Variants in TTLL11 observed in about 807,000 individuals in gnomAD.
The protein encoded by TTLL11 is tubulin tyrosine ligase like 11, also known as tubulin polyglutamylase TTLL11.
TTLL11 carries 42 observed loss-of-function variants against 51.7 expected under a neutral mutation model. That is an observed-to-expected ratio of 0.81 (90% CI 0.64 to 1.05). The LOEUF is 1.05. Ranked by LOEUF, TTLL11 falls within the 50% of genes least tolerant of loss-of-function variation. The probability of loss-of-function intolerance (pLI) is 0.00; values close to 1 mark genes in which losing one functional copy is unlikely to be tolerated. For missense variants in TTLL11, 799 were observed against 940.4 expected, an observed-to-expected ratio of 0.85 and a Z score of 1.97; for synonymous variants, 381 against 383.5, an observed-to-expected ratio of 0.99 and a Z score of 0.08.
intron 1 of TTLL11, among the ~76,000 whole-genome samples, chr9:122,071,196 T>C (rs1845717722): frequency 6.6e-6 from 1 of 152,192 alleles, no homozygotes; most frequent in South Asian, 2.1e-4. Context: ...ATAGTCTCTT[T>C]AGGATTTTAC....
At chr9:122,089,123 C>T (rs1010275889) in intron 1 of TTLL11, among the ~76,000 whole-genome samples, 4 of 151,926 alleles carry the variant, frequency 2.6e-5, no homozygotes, top group South Asian at 2.1e-4. Context: ...TTAAAGTGGA[C>T]GGTGATATAT....
chr9:122,052,607 G>A (rs927298772), intron 1 of TTLL11, among the ~76,000 whole-genome samples: 1 of 152,042 alleles, frequency 6.6e-6, no homozygotes. Context: ...CATACTTATT[G>A]ACTGATAAGA....
At chr9:121,896,416 C>T (rs2131461667) in intron 6 of TTLL11, among the ~76,000 whole-genome samples, 1 of 152,338 alleles carries the variant, frequency 6.6e-6, no homozygotes, top group Non-Finnish European at 1.5e-5. Flanking sequence ...AGTTCCACAG[C>T]CCCAGCTGCT....
At chr9:121,910,722 C>CA (rs929121770) in intron 6 of TTLL11, among the ~76,000 whole-genome samples, 14 of 151,598 alleles carry the variant, frequency 9.2e-5, no homozygotes, top group African/African-American at 2.2e-4. Context: ...AGTGCAATTT[C>CA]AAAAAAAATT....
intron 6 of TTLL11, among the ~76,000 whole-genome samples, chr9:121,955,152 C>T (rs1172702088): frequency 6.6e-6 from 1 of 152,194 alleles, no homozygotes; most frequent in Non-Finnish European, 1.5e-5. Context: ...CAGGGATAAT[C>T]TTAATTAAAC....
At chr9:122,034,910 A>G (rs1844659551) in intron 2 of TTLL11, among the ~76,000 whole-genome samples, 3 of 152,102 alleles carry the variant, frequency 2.0e-5, no homozygotes, top group African/African-American at 7.2e-5. Flanking sequence ...ACCAATTCTG[A>G]ACTGAGATCG....
rs183838474 is a variant in TTLL11 at position 121,872,105 on chromosome 9, T to C, written c.1482-1357A>G. Reference sequence around the variant, plus strand: ...TGCTGTTAATGGTACCAAGGCCTGTTCTCTACTCCTTATTAAATGTCCTCA... The same window carrying C: ...TGCTGTTAATGGTACCAAGGCCTGTCCTCTACTCCTTATTAAATGTCCTCA... On this transcript the variant is annotated intron_variant, in intron 6 of 8. Coordinates refer to ENST00000321582, the MANE Select transcript of TTLL11 (RefSeq NM_001139442.2). Among the ~76,000 whole-genome samples, 33 of 152,334 alleles carry C rather than the reference T, an allele frequency of 2.2e-4. 1 individual carries two copies. In the South Asian group the frequency reaches 6.0e-3, roughly 28 times the overall value.
intron 6 of TTLL11, among the ~76,000 whole-genome samples, chr9:121,893,324 C>G (rs1839331582): frequency 1.3e-5 from 2 of 149,692 alleles, no homozygotes; most frequent in African/African-American, 4.9e-5. Flanking sequence ...CTCTGTCTGT[C>G]TCTCTAGCCT....
chr9:121,965,381 C>T (rs7848350), intron 6 of TTLL11, among the ~76,000 whole-genome samples: 30,422 of 152,126 alleles, frequency 0.2, 3,212 homozygotes, highest in Middle Eastern at 0.21. Flanking sequence ...GGACCTTCTT[C>T]ACAAGGTGGC....
intron 1 of TTLL11, among the ~76,000 whole-genome samples, chr9:122,092,476 T>C (rs1846286925): frequency 6.6e-6 from 1 of 152,150 alleles, no homozygotes; most frequent in South Asian, 2.1e-4. Flanking sequence ...TAACTTGACC[T>C]GGAGGGGTCT....
chr9:121,964,407 C>T (rs1842338248), intron 6 of TTLL11, among the ~76,000 whole-genome samples: 1 of 152,092 alleles, frequency 6.6e-6, no homozygotes, highest in African/African-American at 2.4e-5. Context: ...AAGCGATTCT[C>T]CTGCCTTAGC....
chr9:122,093,065 A>G lies in TTLL11; in HGVS notation c.84T>C (p.Ala28=), dbSNP rs772159435. 322 of 1,276,710 alleles carry G rather than the reference A, an allele frequency of 2.5e-4. No individual in the cohort carries two copies. Among genetic ancestry groups the G allele is most frequent in the Admixed American group, 1.1e-4 (5 of 46,484 alleles). 79.1% of individuals were successfully genotyped at this position (1,276,710 alleles called of 1,614,324 possible). ...AVAAAKAAAK[A]EAEATAETVA... ...CCGTCTCCGCTGTGGCCTCGGCCTC[A>G]GCTTTGGCCGCCGCTTTGGCCGCAG... is the stretch of plus-strand genomic sequence containing the variant. Residue 28 remains alanine (A), a synonymous_variant, in exon 1 of 9, where the codon GCT becomes GCC. Coordinates refer to ENST00000321582, the MANE Select transcript of TTLL11 (RefSeq NM_001139442.2).
chr9:121,835,384 G>A (rs1211918042), intron 8 of TTLL11, among the ~76,000 whole-genome samples: 1 of 152,092 alleles, frequency 6.6e-6, no homozygotes, highest in Non-Finnish European at 1.5e-5. Flanking sequence ...GTGGTAAGTG[G>A]TGGTGCTGCT....
intron 8 of TTLL11, among the ~76,000 whole-genome samples, chr9:121,827,609 C>T (rs935009968): frequency 1.1e-4 from 17 of 152,148 alleles, no homozygotes; most frequent in Non-Finnish European, 1.6e-4. Context: ...TGTGGGGGGA[C>T]GCGGGGATGC....
At chr9:121,914,222 A>G (rs1035862787) in intron 6 of TTLL11, among the ~76,000 whole-genome samples, 22 of 152,226 alleles carry the variant, frequency 1.4e-4, no homozygotes, top group Non-Finnish European at 2.8e-4. Context: ...AGGCACAGCT[A>G]TTTGTTAATA....
At chr9:121,968,401 C>T (rs1191608263) in intron 6 of TTLL11, among the ~76,000 whole-genome samples, 1 of 152,150 alleles carries the variant, frequency 6.6e-6, no homozygotes, top group Non-Finnish European at 1.5e-5. Context: ...CATTGGTAAC[C>T]AGCTCCAATG....
At chr9:121,968,505 G>A (rs146546396) in intron 6 of TTLL11, among the ~76,000 whole-genome samples, 44 of 152,318 alleles carry the variant, frequency 2.9e-4, no homozygotes, top group African/African-American at 1.1e-3. Flanking sequence ...CCAGGAAAGA[G>A]AATAATAACT....
intron 3 of TTLL11, among the ~76,000 whole-genome samples, chr9:122,011,544 C>T (rs1456033950): frequency 6.6e-6 from 1 of 151,866 alleles, no homozygotes; most frequent in African/African-American, 2.4e-5. Flanking sequence ...AATGATAATA[C>T]TAGATAGCTG....
At chr9:121,957,571 G>C (rs777619083) in intron 6 of TTLL11, among the ~76,000 whole-genome samples, 1 of 152,194 alleles carries the variant, frequency 6.6e-6, no homozygotes, top group Non-Finnish European at 1.5e-5. Flanking sequence ...CCCTGCGTTT[G>C]AGAGGGTCCT....
Sources: gnomAD v4.1 joint callset for allele counts (sites outside exome capture counted in the v4.1 genomes callset) on GRCh38, gnomAD v4.1.1 for gene constraint, MANE v1.5 for transcripts, NCBI Gene and HGNC (gene_info 2026-07-23, HGNC 2026-07-21) for gene names.